The following ZMYND8 variants were observed in gnomAD, a reference collection of about 807,000 sequenced individuals.
The protein encoded by ZMYND8 is zinc finger MYND-type containing 8.
Under a neutral mutation model 140.8 loss-of-function variants are expected in ZMYND8, and 37 were observed. That is an observed-to-expected ratio of 0.26 (90% CI 0.20 to 0.35). The LOEUF is 0.35. Among genes scored for constraint, ZMYND8 ranks in the 10% least tolerant of loss-of-function variants. ZMYND8 has a pLI of 1.00. For synonymous variants in ZMYND8, 592 were observed against 597.1 expected (o/e 0.99, Z 0.12); for missense variants, 1,068 against 1,570.0 (o/e 0.68, Z 5.40).
chr20:47,236,765 C>CCT (rs945435296), intron 15 of ZMYND8, among the ~76,000 whole-genome samples: 1 of 152,172 alleles, frequency 6.6e-6, no homozygotes, highest in Non-Finnish European at 1.5e-5. Context: ...ACCCCAACCC[C>CCT]CTCTTAAAGC....
intron 12 of ZMYND8, among the ~76,000 whole-genome samples, chr20:47,261,270 CTT>C (rs930838737): frequency 4.6e-5 from 7 of 151,970 alleles, no homozygotes; most frequent in African/African-American, 1.7e-4. Flanking sequence ...GGTGCAGTGA[CTT>C]ATGCCTGTAA....
At chr20:47,354,845 T>C (rs2083089172) in intron 1 of ZMYND8, among the ~76,000 whole-genome samples, 2 of 152,088 alleles carry the variant, frequency 1.3e-5, no homozygotes, top group Non-Finnish European at 2.9e-5. Context: ...CAGCCTTAAG[T>C]GGTCAAGGGA....
intron 3 of ZMYND8, among the ~76,000 whole-genome samples, chr20:47,300,235 C>G (rs2077923897): frequency 1.3e-5 from 2 of 152,154 alleles, no homozygotes; most frequent in Non-Finnish European, 2.9e-5. Flanking sequence ...TTCAAAAAGA[C>G]CTGGTAACTA....
At chr20:47,308,258 GC>G (rs1254277786) in intron 3 of ZMYND8, among the ~76,000 whole-genome samples, 1 of 138,746 alleles carries the variant, frequency 7.2e-6, no homozygotes, top group Non-Finnish European at 1.5e-5. Context: ...TTGCTCTGTC[GC>G]CCAGGCTGGA....
At chr20:47,356,298 G>A in intron 1 of ZMYND8, 1 of 1,272,988 alleles carries the variant, frequency 7.9e-7, no homozygotes, top group South Asian at 1.4e-5. Flanking sequence ...ACTGCTCAGA[G>A]AGAGAGAGAG....
At chr20:47,256,593 G>A (rs922502507) in intron 12 of ZMYND8, among the ~76,000 whole-genome samples, 8 of 152,234 alleles carry the variant, frequency 5.3e-5, no homozygotes, top group Admixed American at 3.3e-4. Flanking sequence ...GCACTCCAGC[G>A]TGGGCGACAG....
chr20:47,314,074 C>T (rs1214556682), intron 2 of ZMYND8, among the ~76,000 whole-genome samples: 1 of 150,980 alleles, frequency 6.6e-6, no homozygotes, highest in Non-Finnish European at 1.5e-5. Context: ...CAAAGCTCGA[C>T]TTGGGGACTA....
chr20:47,350,446 G>A (rs942012994), intron 1 of ZMYND8, among the ~76,000 whole-genome samples: 1 of 150,836 alleles, frequency 6.6e-6, no homozygotes, highest in Non-Finnish European at 1.5e-5. Flanking sequence ...CACTGATTTC[G>A]GTTTTTTTGT....
intron 2 of ZMYND8, among the ~76,000 whole-genome samples, chr20:47,338,835 G>T (rs2081593281): frequency 6.6e-6 from 1 of 152,024 alleles, no homozygotes; most frequent in Non-Finnish European, 1.5e-5. Context: ...CTGCAGAATG[G>T]CTTCTTCAAA....
chr20:47,255,650 C>T (rs1472997712), intron 12 of ZMYND8, among the ~76,000 whole-genome samples: 1 of 118,210 alleles, frequency 8.5e-6, no homozygotes, highest in African/African-American at 3.2e-5. Flanking sequence ...ATACCATATA[C>T]ATATACTCAG....
intron 8 of ZMYND8, chr20:47,285,913 G>T (rs149341630): frequency 1.3e-4 from 120 of 893,712 alleles, no homozygotes; most frequent in Non-Finnish European, 1.5e-4. Context: ...GACATAAGCC[G>T]GGCTTGGTGG....
At chr20:47,300,795 A>G (rs1231287097) in intron 3 of ZMYND8, among the ~76,000 whole-genome samples, 1 of 150,752 alleles carries the variant, frequency 6.6e-6, no homozygotes, top group African/African-American at 2.4e-5. Context: ...CCTCACTGCA[A>G]CCTCCACCTC....
At chr20:47,331,015 T>C (rs184081238) in intron 2 of ZMYND8, among the ~76,000 whole-genome samples, 51 of 152,214 alleles carry the variant, frequency 3.4e-4, no homozygotes, top group African/African-American at 1.2e-3. Flanking sequence ...GAGGCTTTGA[T>C]GGATCTGCAC....
At chr20:47,312,508 C>T (rs926038663) in intron 2 of ZMYND8, among the ~76,000 whole-genome samples, 3 of 152,190 alleles carry the variant, frequency 2.0e-5, no homozygotes, top group South Asian at 2.1e-4. Flanking sequence ...ATCAAAAGGG[C>T]GGCCCAGAGA....
chr20:47,313,009 G>A (rs891803628), intron 2 of ZMYND8, among the ~76,000 whole-genome samples: 3 of 152,138 alleles, frequency 2.0e-5, no homozygotes, highest in Non-Finnish European at 2.9e-5. Context: ...CTGCAGCACT[G>A]TGGGCTGTAC....
At chr20:47,293,087 G>T (rs1186641307) in intron 5 of ZMYND8, among the ~76,000 whole-genome samples, 4 of 140,472 alleles carry the variant, frequency 2.8e-5, no homozygotes, top group Non-Finnish European at 6.2e-5. Context: ...GAGGGAGGTA[G>T]GGAGGGAGGG....
chr20:47,325,563 G>A (rs2080341453), intron 2 of ZMYND8, among the ~76,000 whole-genome samples: 1 of 152,144 alleles, frequency 6.6e-6, no homozygotes, highest in Admixed American at 6.5e-5. Flanking sequence ...GCCTCTGAAA[G>A]GGACCCCAGA....
intron 16 of ZMYND8, among the ~76,000 whole-genome samples, chr20:47,232,353 T>G (rs1056185577): frequency 1.7e-4 from 26 of 149,080 alleles, no homozygotes; most frequent in Non-Finnish European, 5.9e-5. Context: ...CAGCTAAGAG[T>G]GAGACCTTGT....
chr20:47,264,420 G>T (rs986920748), intron 11 of ZMYND8, among the ~76,000 whole-genome samples: 1 of 151,890 alleles, frequency 6.6e-6, no homozygotes, highest in Non-Finnish European at 1.5e-5. Context: ...AGAACTTCAG[G>T]CTCCTGCTAT....
Sources: allele counts gnomAD v4.1 joint callset (sites outside exome capture counted in the v4.1 genomes callset), GRCh38; gene constraint gnomAD v4.1.1; transcripts MANE v1.5; gene names NCBI Gene and HGNC (gene_info 2026-07-23, HGNC 2026-07-21).